SLC9A9: variants seen among roughly 807,000 people sequenced by gnomAD.
SLC9A9 encodes sodium/hydrogen exchanger 9.
Under a neutral mutation model 77.8 loss-of-function variants are expected in SLC9A9, and 62 were observed. The observed-to-expected ratio is 0.80, with a 90% CI of 0.65 to 0.98. SLC9A9 has a LOEUF of 0.98. Ranked by LOEUF, SLC9A9 falls within the 50% of genes least tolerant of loss-of-function variation. The pLI, the probability that SLC9A9 is intolerant of heterozygous loss-of-function variation, is 0.00. For synonymous variants in SLC9A9, 320 were observed against 283.5 expected (o/e 1.13, Z -1.29); for missense variants, 775 against 774.9 (o/e 1.00, Z 0.00).
At chr3:143,341,349 A>C (rs1189171140) in intron 14 of SLC9A9, among the ~76,000 whole-genome samples, 1 of 152,188 alleles carries the variant, frequency 6.6e-6, no homozygotes, top group African/African-American at 2.4e-5. Context: ...ACTCCAGAGT[A>C]GGATTTTATA....
At chr3:143,673,791 A>G (rs1400335318) in intron 5 of SLC9A9, among the ~76,000 whole-genome samples, 1 of 152,112 alleles carries the variant, frequency 6.6e-6, no homozygotes, top group Non-Finnish European at 1.5e-5. Context: ...TCTAAATTTT[A>G]AATATTTAAG....
intron 4 of SLC9A9, among the ~76,000 whole-genome samples, chr3:143,703,785 T>C (rs12493345): frequency 0.12 from 17,936 of 152,076 alleles, 1,915 homozygotes; most frequent in East Asian, 0.54. Flanking sequence ...TCAGTTGTTT[T>C]ATTTTGTCCA....
At chr3:143,545,116 T>C (rs1179086013) in intron 9 of SLC9A9, among the ~76,000 whole-genome samples, 1 of 152,206 alleles carries the variant, frequency 6.6e-6, no homozygotes, top group Non-Finnish European at 1.5e-5. Flanking sequence ...GCCTCCAGCT[T>C]TGTTCTTTTT....
chr3:143,299,954 A>T (rs1325547579), intron 14 of SLC9A9, among the ~76,000 whole-genome samples: 2 of 152,198 alleles, frequency 1.3e-5, no homozygotes, highest in Non-Finnish European at 2.9e-5. Flanking sequence ...CAATTGGCAA[A>T]ATGTATGATT....
At chr3:143,815,840 T>C (rs1380289341) in intron 2 of SLC9A9, among the ~76,000 whole-genome samples, 1 of 152,034 alleles carries the variant, frequency 6.6e-6, no homozygotes, top group East Asian at 1.9e-4. Context: ...CACTCCAGCC[T>C]GGTGACAGAG....
intron 9 of SLC9A9, among the ~76,000 whole-genome samples, chr3:143,508,142 G>T (rs1225965108): frequency 6.6e-6 from 1 of 152,174 alleles, no homozygotes; most frequent in East Asian, 1.9e-4. Context: ...TTGCCAGTCA[G>T]ATGAGTAACA....
intron 4 of SLC9A9, among the ~76,000 whole-genome samples, chr3:143,743,308 TGATA>T (rs1355497144): frequency 2.4e-4 from 36 of 150,984 alleles, no homozygotes; most frequent in African/African-American, 8.3e-4. Flanking sequence ...GATAGATAGA[TGATA>T]GATAGATGAG....
At chr3:143,432,127 G>T (rs2034528497) in intron 12 of SLC9A9, among the ~76,000 whole-genome samples, 1 of 151,850 alleles carries the variant, frequency 6.6e-6, no homozygotes, top group Admixed American at 6.6e-5. Context: ...AATTTCTCAC[G>T]GCTTATTTTC....
intron 12 of SLC9A9, among the ~76,000 whole-genome samples, chr3:143,382,477 C>G (rs575486037): frequency 4.1e-4 from 62 of 152,226 alleles, no homozygotes; most frequent in African/African-American, 1.5e-3. Flanking sequence ...CAACCATTGA[C>G]CAAAATGCCC....
chr3:143,775,392 G>T (rs917839486), intron 4 of SLC9A9, among the ~76,000 whole-genome samples: 8 of 152,098 alleles, frequency 5.3e-5, no homozygotes, highest in African/African-American at 1.9e-4. Flanking sequence ...AAAATTAAGA[G>T]GTTACATTAG....
chr3:143,768,110 A>T (rs1172355444), intron 4 of SLC9A9, among the ~76,000 whole-genome samples: 1 of 151,274 alleles, frequency 6.6e-6, no homozygotes, highest in Non-Finnish European at 1.5e-5. Context: ...TCTTCACACT[A>T]CCTCCTCTCC....
intron 14 of SLC9A9, among the ~76,000 whole-genome samples, chr3:143,312,147 T>C (rs16853409): frequency 0.11 from 16,556 of 152,264 alleles, 1,019 homozygotes; most frequent in East Asian, 0.18. Context: ...TGTCAGAGGA[T>C]ATGGCATAAC....
At chr3:143,475,892 A>G (rs993995735) in intron 11 of SLC9A9, among the ~76,000 whole-genome samples, 1 of 151,920 alleles carries the variant, frequency 6.6e-6, no homozygotes, top group Non-Finnish European at 1.5e-5. Flanking sequence ...CTTTAAAAGA[A>G]AAGTCCTTTA....
chr3:143,506,891 A>T lies in SLC9A9; in HGVS notation c.1090-11443T>A, dbSNP rs562096582. Among the ~76,000 whole-genome samples, 10 of 152,320 alleles carry T rather than the reference A, an allele frequency of 6.6e-5. No individual in the cohort carries two copies. In the South Asian group the frequency reaches 2.1e-3, roughly 32 times the overall value. ...TTGAAACAATATATTTTCTGTGCAG[A>T]AATTAAAATCGTGTCTTTAAAAAAT... On this transcript the variant is annotated intron_variant, in intron 9 of 15. Coordinates refer to ENST00000316549, the MANE Select transcript of SLC9A9 (RefSeq NM_173653.4).
intron 4 of SLC9A9, among the ~76,000 whole-genome samples, chr3:143,782,748 T>C (rs957346617): frequency 6.6e-6 from 1 of 152,244 alleles, no homozygotes. Flanking sequence ...ACTCATTGAT[T>C]CATTTGGCAA....
At chr3:143,518,145 G>T (rs539833694) in intron 9 of SLC9A9, 10 of 1,600,160 alleles carry the variant, frequency 6.2e-6, no homozygotes, top group Admixed American at 5.0e-5. Context: ...CTCAGGAAGC[G>T]CATTTCCTCG....
At chr3:143,738,020 C>T (rs1934986622) in intron 4 of SLC9A9, among the ~76,000 whole-genome samples, 1 of 152,160 alleles carries the variant, frequency 6.6e-6, no homozygotes, top group Admixed American at 6.5e-5. Context: ...TTATTCCATG[C>T]TTTTTGGTGC....
intron 14 of SLC9A9, among the ~76,000 whole-genome samples, chr3:143,311,497 G>C (rs1351056533): frequency 6.6e-6 from 1 of 152,154 alleles, no homozygotes; most frequent in African/African-American, 2.4e-5. Flanking sequence ...TTCTTCTCTA[G>C]GAGCCAGGTA....
chr3:143,809,576 G>T (rs776906856), intron 2 of SLC9A9, among the ~76,000 whole-genome samples: 1 of 152,192 alleles, frequency 6.6e-6, no homozygotes, highest in Non-Finnish European at 1.5e-5. Flanking sequence ...CGTGGCCTTG[G>T]AGGTGGGGCT....
Sources: gnomAD v4.1 joint callset for allele counts (sites outside exome capture counted in the v4.1 genomes callset) on GRCh38, gnomAD v4.1.1 for gene constraint, MANE v1.5 for transcripts, NCBI Gene and HGNC (gene_info 2026-07-23, HGNC 2026-07-21) for gene names.